Variants in PAFAH1B1 observed in about 807,000 individuals in gnomAD.
The protein encoded by PAFAH1B1 is platelet activating factor acetylhydrolase 1b regulatory subunit 1, also known as platelet-activating factor acetylhydrolase IB subunit beta.
Under a neutral mutation model 57.5 loss-of-function variants are expected in PAFAH1B1, and 2 were observed. The observed-to-expected ratio is 0.03, with a 90% confidence interval of 0.01 to 0.11. The LOEUF is 0.11. Among genes scored for constraint, PAFAH1B1 ranks in the 10% least tolerant of loss-of-function variants. The pLI, the probability that PAFAH1B1 is intolerant of heterozygous loss-of-function variation, is 1.00. For missense variants in PAFAH1B1, 257 were observed against 512.0 expected, an observed-to-expected ratio of 0.50 and a Z score of 4.81; for synonymous variants, 152 against 169.6, an observed-to-expected ratio of 0.90 and a Z score of 0.81.
intron 1 of PAFAH1B1, among the ~76,000 whole-genome samples, chr17:2,617,977 G>A (rs151328008): frequency 0.014 from 2,144 of 151,846 alleles, 27 homozygotes; most frequent in African/African-American, 0.032. Context: ...GGCCGGGTGC[G>A]GTGGCTCACG....
chr17:2,604,369 G>A (rs539085346), intron 1 of PAFAH1B1, among the ~76,000 whole-genome samples: 248 of 152,262 alleles, frequency 1.6e-3, no homozygotes, highest in African/African-American at 5.6e-3. Context: ...AAATGGATAG[G>A]AAAATCAGTG....
intron 2 of PAFAH1B1, among the ~76,000 whole-genome samples, chr17:2,645,311 T>C (rs1257481108): frequency 6.6e-6 from 1 of 151,778 alleles, no homozygotes; most frequent in Non-Finnish European, 1.5e-5. Flanking sequence ...TAAATGTAAA[T>C]CTGGGGCCGG....
intron 1 of PAFAH1B1, among the ~76,000 whole-genome samples, chr17:2,604,872 A>G (rs921581210): frequency 3.9e-5 from 6 of 152,210 alleles, no homozygotes; most frequent in African/African-American, 1.4e-4. Context: ...AGCAACATAA[A>G]TAGTCACAGA....
intron 7 of PAFAH1B1, among the ~76,000 whole-genome samples, chr17:2,673,410 C>T (rs920565833): frequency 1.8e-4 from 27 of 151,736 alleles, no homozygotes; most frequent in African/African-American, 4.6e-4. Context: ...GAGGCAGAGG[C>T]GGGCGGATCA....
In PAFAH1B1 at chr17:2,638,175, G is replaced by C. The variant is rs2068647594; in HGVS notation, c.-114G>C. 1.3e-6 allele frequency: 1 copy of C among 754,656 alleles called. No homozygotes were observed. The highest frequency in any genetic ancestry group is 2.3e-6 in the Non-Finnish European group (1 of 435,750). 46.7% of individuals were successfully genotyped at this position (754,656 alleles called of 1,614,324 possible). A position where few individuals can be genotyped will look rare whatever the true frequency, so the allele number is the denominator to read the frequency against. On this transcript the variant is annotated 5_prime_UTR_variant, in exon 2 of 11. Transcript: ENST00000397195. ...TTGTGAAAGAATCATTTTCCCCTGT[G>C]TGGAAGACACTTAGTGGCATATTTA...
chr17:2,593,795 G>T lies in PAFAH1B1; in HGVS notation c.-402G>T. 2.5e-6 allele frequency: 1 copy of T among 394,154 alleles called. No homozygotes were observed. The highest frequency in any genetic ancestry group is 1.3e-4 in the South Asian group (1 of 7,564). The allele number at this position is 394,154 out of a possible 1,614,324, so 24.4% of individuals were successfully genotyped here. A position where few individuals can be genotyped will look rare whatever the true frequency, so the allele number is the denominator to read the frequency against. ...CTCGGGCGCGAGCGAGAGAAACCGC[G>T]AGCGCCGAGCTTGGACTCGAGCCCC... is the stretch of plus-strand genomic sequence containing the variant. On this transcript the variant is annotated 5_prime_UTR_variant, in exon 1 of 11. Transcript: ENST00000397195.
chr17:2,629,961 A>C (rs555510973), intron 1 of PAFAH1B1, among the ~76,000 whole-genome samples: 30 of 151,980 alleles, frequency 2.0e-4, no homozygotes, highest in African/African-American at 7.2e-4. Flanking sequence ...CTTTACTTTA[A>C]ATTTATGTGA....
chr17:2,628,657 G>T lies in PAFAH1B1; in HGVS notation c.-190-9442G>T, dbSNP rs115425058. Among the ~76,000 whole-genome samples the T allele has an allele frequency of 6.4e-3, 973 of 152,234 alleles. 14 individuals are homozygous for T. Among genetic ancestry groups the T allele is most frequent in the African/African-American group, 0.023 (935 of 41,530 alleles). ...TCTGTCTTGTGGAATATTATCAAAA[G>T]AATTGGTACCAACTCTTCTTTGAAT... On this transcript the variant is annotated intron_variant, in intron 1 of 10. Coordinates refer to ENST00000397195, the MANE Select transcript of PAFAH1B1 (RefSeq NM_000430.4).
At chr17:2,642,868 G>A (rs1206970483) in intron 2 of PAFAH1B1, among the ~76,000 whole-genome samples, 1 of 151,990 alleles carries the variant, frequency 6.6e-6, no homozygotes, top group African/African-American at 2.4e-5. Flanking sequence ...ACTCCCCGCT[G>A]TCCTATCTTT....
Position 2,683,494 on chromosome 17 carries a change from C to T in PAFAH1B1, c.*1692C>T, listed in dbSNP as rs1163739428. 3.3e-5 allele frequency: 5 copies of T among 152,278 alleles called. No individual in the cohort carries two copies. The highest frequency in any genetic ancestry group is 1.2e-4 in the African/African-American group (5 of 41,560). The allele number at this position is 152,278 out of a possible 1,614,324, so 9.4% of individuals were successfully genotyped here. On this transcript the variant is annotated 3_prime_UTR_variant, in exon 11 of 11. Coordinates refer to ENST00000397195, the MANE Select transcript of PAFAH1B1 (RefSeq NM_000430.4). Reference sequence around the variant, plus strand: ...AAGACAAAGGGTGAGAGTTAGCGTCCTGTAGATACACACAGAGACTAGGCC... The same window carrying T: ...AAGACAAAGGGTGAGAGTTAGCGTCTTGTAGATACACACAGAGACTAGGCC...
Position 2,668,074 on chromosome 17 carries a change from C to T in PAFAH1B1, c.399+876C>T, listed in dbSNP as rs557945586. Among the ~76,000 whole-genome samples the T allele has an allele frequency of 3.0e-4, 46 of 152,064 alleles. 1 individual carries two copies. Among genetic ancestry groups the T allele is most frequent in the African/African-American group, 1.1e-3 (45 of 41,326 alleles). On this transcript the variant is annotated intron_variant, in intron 5 of 10. Transcript: ENST00000397195. Reference sequence around the variant, plus strand: ...GCACGGTGGCTCACGCCTGTAATCCCAGCACTTTGGGAGGCCGAGGCGGGT... The same window carrying T: ...GCACGGTGGCTCACGCCTGTAATCCTAGCACTTTGGGAGGCCGAGGCGGGT...
intron 2 of PAFAH1B1, chr17:2,642,055 C>T (rs758807507): frequency 2.6e-5 from 4 of 152,156 alleles, no homozygotes; most frequent in Non-Finnish European, 5.9e-5. Context: ...CTGATAAGTA[C>T]CTACATGTCC....
intron 1 of PAFAH1B1, among the ~76,000 whole-genome samples, chr17:2,595,672 C>T (rs1191141816): frequency 6.6e-6 from 1 of 151,980 alleles, no homozygotes; most frequent in Non-Finnish European, 1.5e-5. Context: ...GAAGAGTAAT[C>T]TGTATTTAGG....
At chr17:2,634,656 T>G (rs2068598711) in intron 1 of PAFAH1B1, among the ~76,000 whole-genome samples, 1 of 152,164 alleles carries the variant, frequency 6.6e-6, no homozygotes, top group Admixed American at 6.6e-5. Context: ...ACTATGTAAG[T>G]GAGTGATTTT....
chr17:2,608,815 T>C (rs1893940722), intron 1 of PAFAH1B1, among the ~76,000 whole-genome samples: 1 of 152,234 alleles, frequency 6.6e-6, no homozygotes, highest in Non-Finnish European at 1.5e-5. Flanking sequence ...CTTAGGTTAA[T>C]TAAATAAAAT....
At chr17:2,660,904 C>A (rs1361474793) in intron 2 of PAFAH1B1, among the ~76,000 whole-genome samples, 1 of 152,192 alleles carries the variant, frequency 6.6e-6, no homozygotes, top group African/African-American at 2.4e-5. Context: ...CACAGCCTTG[C>A]CAGCATCTTT....
intron 1 of PAFAH1B1, among the ~76,000 whole-genome samples, chr17:2,594,442 C>A (rs1031741736): frequency 6.6e-6 from 1 of 152,240 alleles, no homozygotes; most frequent in Non-Finnish European, 1.5e-5. Context: ...TCTCCCCGGC[C>A]GCGGAGACGA....
intron 1 of PAFAH1B1, among the ~76,000 whole-genome samples, chr17:2,606,112 T>A (rs1222122523): frequency 6.6e-6 from 1 of 152,078 alleles, no homozygotes; most frequent in African/African-American, 2.4e-5. Context: ...AGGCGGTATA[T>A]TAGTCCCTTT....
At chr17:2,640,003 A>G (rs1293282549) in intron 2 of PAFAH1B1, 7 of 152,210 alleles carry the variant, frequency 4.6e-5, no homozygotes, top group Admixed American at 4.6e-4. Context: ...GTTTTTTGAA[A>G]TACACCCATT....
Sources: allele counts gnomAD v4.1 joint callset (sites outside exome capture counted in the v4.1 genomes callset), GRCh38; gene constraint gnomAD v4.1.1; transcripts MANE v1.5; gene names NCBI Gene and HGNC (gene_info 2026-07-23, HGNC 2026-07-21).